The following WDR48 variants were observed in gnomAD, a reference collection of about 807,000 sequenced individuals.
WDR48 encodes the protein WD repeat domain 48.
Under a neutral mutation model 94.0 loss-of-function variants are expected in WDR48, and 22 were observed. The observed-to-expected ratio is 0.23, with a 90% confidence interval of 0.17 to 0.33. The LOEUF (loss-of-function observed/expected upper bound fraction) is 0.33. Ranked by LOEUF, WDR48 falls within the 10% of genes least tolerant of loss-of-function variation. WDR48 has a pLI of 1.00. For synonymous variants in WDR48, 278 were observed against 280.5 expected (o/e 0.99, Z 0.09); for missense variants, 541 against 813.8 (o/e 0.66, Z 4.08).
intron 7 of WDR48, among the ~76,000 whole-genome samples, chr3:39,070,354 A>G (rs773403799): frequency 6.6e-6 from 1 of 152,236 alleles, no homozygotes; most frequent in Non-Finnish European, 1.5e-5. Context: ...TATGTCTACC[A>G]TGTACCCTTG....
intron 15 of WDR48, 40 bp from the exon 16 acceptor site, chr3:39,089,191 T>C: frequency 6.3e-7 from 1 of 1,580,470 alleles, no homozygotes; most frequent in South Asian, 1.1e-5. Flanking sequence ...TTGACATCTG[T>C]GCTTGTTGGG....
Position 39,084,151 on chromosome 3 carries a change from A to G in WDR48, c.1174-4A>G, listed in dbSNP as rs778039526. The stretch of plus-strand genomic sequence containing the variant: ...TGATCATTATACTTTCTTTTGATGT[A>G]TAGGCATGTAAAGTTGAAGATCTGG... On this transcript the variant is annotated splice_region_variant and splice_polypyrimidine_tract_variant and intron_variant, in intron 11 of 18. Coordinates refer to ENST00000302313, the MANE Select transcript of WDR48 (RefSeq NM_020839.4). 5 of 1,605,928 alleles carry G rather than the reference A, an allele frequency of 3.1e-6. No individual in the cohort carries two copies. The highest frequency in any genetic ancestry group is 1.3e-5 in the African/African-American group (1 of 74,914).
Position 39,063,604 on chromosome 3 carries a change from A to C in WDR48, c.189+414A>C, listed in dbSNP as rs112441250. Among the ~76,000 whole-genome samples, 626 of 152,290 alleles carry C rather than the reference A, an allele frequency of 4.1e-3. 9 individuals carry two copies. The highest frequency in any genetic ancestry group is 0.014 in the African/African-American group (594 of 41,550). On this transcript the variant is annotated intron_variant, in intron 2 of 18. Coordinates refer to ENST00000302313, the MANE Select transcript of WDR48 (RefSeq NM_020839.4). The stretch of plus-strand genomic sequence containing the variant: ...AAAAAATATTTTATTTTCCTCACTT[A>C]AAAGTAATTAGGATCCTCACAAACC...
Position 39,066,727 on chromosome 3 carries a change from T to TA in WDR48, c.352-18dup. 1 of 1,613,810 alleles carries TA rather than the reference T, an allele frequency of 6.2e-7. No individual in the cohort carries two copies. The highest frequency in any genetic ancestry group is 1.7e-5 in the Admixed American group (1 of 60,008). ...TACTGATCTACAGAATAGATCATAG[T>TA]ATGTCTGTTCTATTACAGGATTACG... On this transcript the variant is annotated intron_variant, in intron 4 of 18. Transcript: ENST00000302313.
chr3:39,078,788 T>C (rs1413514110), intron 10 of WDR48, among the ~76,000 whole-genome samples: 17 of 150,386 alleles, frequency 1.1e-4, no homozygotes, highest in Admixed American at 8.6e-4. Flanking sequence ...CCCAGCACTT[T>C]GGGAGGCCAA....
intron 9 of WDR48, among the ~76,000 whole-genome samples, chr3:39,077,579 T>C (rs2034295307): frequency 6.6e-6 from 1 of 152,192 alleles, no homozygotes; most frequent in Non-Finnish European, 1.5e-5. Context: ...AGGATTCAAA[T>C]TTGGTTAAAC....
chr3:39,078,585 C>CTTTTTTTTTTTTTTTTTTTTTTTTTT (rs2034354162), intron 10 of WDR48, among the ~76,000 whole-genome samples: 1 of 151,632 alleles, frequency 6.6e-6, no homozygotes, highest in African/African-American at 2.4e-5. Flanking sequence ...TGCCCAGCTA[C>CTTTTTTTTTTTTTTTTTTTTTTTTTT]TTTTTATATT....
chr3:39,052,462 G>T (rs944068591), intron 1 of WDR48: 8 of 196,244 alleles, frequency 4.1e-5, no homozygotes, highest in Admixed American at 3.1e-4. Flanking sequence ...GGTTTCCCAG[G>T]GGGGTGGGCG....
At chr3:39,091,817 T>C in intron 17 of WDR48, 116 bp downstream of exon 17, 1 of 931,642 alleles carries the variant, frequency 1.1e-6, no homozygotes, top group South Asian at 1.9e-5. Flanking sequence ...TTTTATAATA[T>C]TCAAAGTTTA....
rs1267080924 is a variant in WDR48 at position 39,095,922 on chromosome 3, G to GT, written c.*1180dup. On this transcript the variant is annotated 3_prime_UTR_variant, in exon 19 of 19. Transcript: ENST00000302313. The stretch of plus-strand genomic sequence containing the variant: ...ATCAGTGGTCCACCCCCATAAAACT[G>GT]TAAGACAAGCCTCCTGTATGAAGCC... The GT allele has an allele frequency of 1.3e-5, 2 of 152,634 alleles. No homozygotes were observed. Among genetic ancestry groups the GT allele is most frequent in the African/African-American group, 4.8e-5 (2 of 41,442 alleles). The allele number at this position is 152,634 out of a possible 1,614,324, so 9.5% of individuals were successfully genotyped here.
chr3:39,077,015 C>T, intron 8 of WDR48, 124 bp from the exon 9 acceptor site: 1 of 1,027,778 alleles, frequency 9.7e-7, no homozygotes. Flanking sequence ...TAGTTTTTCA[C>T]ACATGCCCAG....
At chr3:39,090,629 G>C (rs2035031347) in intron 16 of WDR48, 1 of 152,138 alleles carries the variant, frequency 6.6e-6, no homozygotes, top group African/African-American at 2.4e-5. Flanking sequence ...GGGACAGCTA[G>C]TGTGCTAGCA....
chr3:39,085,401 G>A, intron 13 of WDR48, 114 bp from the exon 14 acceptor site: 1 of 862,104 alleles, frequency 1.2e-6, no homozygotes, highest in Middle Eastern at 3.0e-4. Flanking sequence ...TTCGCATTGG[G>A]TTAAGAATGT....
chr3:39,089,161 A>G, intron 15 of WDR48, 70 bp from the exon 16 acceptor site: 1 of 1,381,188 alleles, frequency 7.2e-7, no homozygotes, highest in Non-Finnish European at 1.0e-6. Flanking sequence ...TCCTCCCGCT[A>G]ATATTTGTTG....
chr3:39,064,278 C>CT (rs532093383), intron 2 of WDR48, among the ~76,000 whole-genome samples: 18,557 of 141,504 alleles, frequency 0.13, 1,332 homozygotes, highest in East Asian at 0.22. Flanking sequence ...TCTTTTTTTT[C>CT]TTTTTTTTTT....
chr3:39,081,806 G>A (rs2125672636), intron 11 of WDR48, among the ~76,000 whole-genome samples: 1 of 152,348 alleles, frequency 6.6e-6, no homozygotes, highest in South Asian at 2.1e-4. Flanking sequence ...TGAGGCCTGA[G>A]TAGAATCCTG....
At chr3:39,072,416 C>G (rs151074884) in intron 7 of WDR48, among the ~76,000 whole-genome samples, 10 of 152,284 alleles carry the variant, frequency 6.6e-5, no homozygotes, top group African/African-American at 9.6e-5. Flanking sequence ...GCTTATGGGT[C>G]TGAGGGTCTC....
chr3:39,079,826 G>T lies in WDR48; in HGVS notation c.1173+18G>T. On this transcript the variant is annotated intron_variant, in intron 11 of 18. Coordinates refer to ENST00000302313, the MANE Select transcript of WDR48 (RefSeq NM_020839.4). ...TATTGAAGGTGAGTATTTTTTTTGG[G>T]CTAAATATAGGTTGTTAGATTGTAT... The T allele has an allele frequency of 6.9e-7, 1 of 1,451,762 alleles. No homozygotes were observed. The highest frequency in any genetic ancestry group is 9.2e-7 in the Non-Finnish European group (1 of 1,083,662). 89.9% of individuals were successfully genotyped at this position (1,451,762 alleles called of 1,614,324 possible).
intron 1 of WDR48, among the ~76,000 whole-genome samples, chr3:39,056,124 G>A (rs983281418): frequency 5.3e-5 from 8 of 152,042 alleles, no homozygotes; most frequent in South Asian, 2.1e-4. Flanking sequence ...TATAGTTTTC[G>A]TTCTTTAATG....
Sources: gnomAD v4.1 joint callset for allele counts (sites outside exome capture counted in the v4.1 genomes callset) on GRCh38, gnomAD v4.1.1 for gene constraint, MANE v1.5 for transcripts, NCBI Gene and HGNC (gene_info 2026-07-23, HGNC 2026-07-21) for gene names.